SLC35D4: variants seen among roughly 807,000 people sequenced by gnomAD.
SLC35D4 encodes the protein solute carrier family 35 member D4.
At chr18:23,434,160 C>G in the SLC35D4 span, among the ~76,000 whole-genome samples, 6 of 152,092 alleles carry the variant, frequency 3.9e-5, no homozygotes, top group African/African-American at 1.2e-4. Flanking sequence ...TATAAAGTTC[C>G]TCACCAGAGT....
At chr18:23,352,407 C>CT in the SLC35D4 span, 1 of 709,816 alleles carries the variant, frequency 1.4e-6, no homozygotes, top group Non-Finnish European at 2.2e-6. Context: ...TCTACCTCAT[C>CT]TGTGTTTTCT....
chr18:23,335,296 G>C, the SLC35D4 span, among the ~76,000 whole-genome samples: 2 of 152,050 alleles, frequency 1.3e-5, no homozygotes, highest in South Asian at 4.2e-4. Flanking sequence ...TTCTATCATT[G>C]ATGCATCCAA....
the SLC35D4 span, among the ~76,000 whole-genome samples, chr18:23,407,673 T>A: frequency 7.2e-5 from 11 of 152,126 alleles, no homozygotes; most frequent in Non-Finnish European, 1.5e-4. Context: ...ATTAAATAAT[T>A]TTGAATTAAA....
chr18:23,427,733 G>A, the SLC35D4 span, among the ~76,000 whole-genome samples: 25 of 151,996 alleles, frequency 1.6e-4, no homozygotes, highest in Non-Finnish European at 2.2e-4. Context: ...TGTTTATTGC[G>A]GCACTATTCA....
At chr18:23,253,101 T>C in the SLC35D4 span, 1 of 1,174,512 alleles carries the variant, frequency 8.5e-7, no homozygotes, top group East Asian at 2.3e-5. Context: ...GACCTTTCCC[T>C]GCAAACCCCT....
At chr18:23,239,132 C>T in the SLC35D4 span, among the ~76,000 whole-genome samples, 2 of 152,196 alleles carry the variant, frequency 1.3e-5, no homozygotes, top group African/African-American at 4.8e-5. Flanking sequence ...TTCCAGGCCG[C>T]AGTATGTGTG....
the SLC35D4 span, among the ~76,000 whole-genome samples, chr18:23,360,746 T>A: frequency 6.6e-6 from 1 of 152,198 alleles, no homozygotes; most frequent in African/African-American, 2.4e-5. Flanking sequence ...ATTTCATATA[T>A]GTAAATTACA....
chr18:23,415,257 T>C, the SLC35D4 span, among the ~76,000 whole-genome samples: 3 of 152,230 alleles, frequency 2.0e-5, no homozygotes, highest in Non-Finnish European at 2.9e-5. Context: ...GCACAGACTC[T>C]TGATGAAAAA....
At chr18:23,254,978 G>T in the SLC35D4 span, among the ~76,000 whole-genome samples, 1 of 152,228 alleles carries the variant, frequency 6.6e-6, no homozygotes, top group Non-Finnish European at 1.5e-5. Context: ...CTTGATTGTG[G>T]TTTTCACAGA....
chr18:23,340,049 C>T, the SLC35D4 span, among the ~76,000 whole-genome samples: 3 of 152,316 alleles, frequency 2.0e-5, no homozygotes, highest in Admixed American at 1.3e-4. Flanking sequence ...CTCTCTACCA[C>T]GCACCTCATG....
the SLC35D4 span, among the ~76,000 whole-genome samples, chr18:23,250,581 G>A: frequency 1.3e-5 from 2 of 152,342 alleles, no homozygotes; most frequent in African/African-American, 4.8e-5. Flanking sequence ...CTGTCTTGGA[G>A]GGCTGCCACA....
the SLC35D4 span, among the ~76,000 whole-genome samples, chr18:23,319,365 G>C: frequency 6.6e-6 from 1 of 151,898 alleles, no homozygotes; most frequent in East Asian, 1.9e-4. Context: ...CTGCCTCCTA[G>C]GTTCAAATGA....
chr18:23,303,661 G>T, the SLC35D4 span, among the ~76,000 whole-genome samples: 1 of 152,380 alleles, frequency 6.6e-6, no homozygotes, highest in African/African-American at 2.4e-5. Context: ...AGCACTTTGG[G>T]AGGCTGAGGT....
chr18:23,303,709 T>C, the SLC35D4 span, among the ~76,000 whole-genome samples: 2 of 152,168 alleles, frequency 1.3e-5, no homozygotes, highest in African/African-American at 4.8e-5. Flanking sequence ...GAGACCAGCC[T>C]GGCCAACATG....
chr18:23,383,666 G>A, the SLC35D4 span, among the ~76,000 whole-genome samples: 16 of 151,964 alleles, frequency 1.1e-4, no homozygotes, highest in African/African-American at 2.4e-4. Flanking sequence ...AGATTTTCCC[G>A]TGCGAGGGAT....
At chr18:23,391,161 T>C in the SLC35D4 span, among the ~76,000 whole-genome samples, 1 of 149,442 alleles carries the variant, frequency 6.7e-6, no homozygotes, top group Admixed American at 6.7e-5. Flanking sequence ...AGGCAGAGCC[T>C]GCAGTGAGCC....
chr18:23,408,816 C>CTTT, the SLC35D4 span, among the ~76,000 whole-genome samples: 39 of 114,836 alleles, frequency 3.4e-4, no homozygotes, highest in Non-Finnish European at 5.2e-4. Context: ...TCTTATCTCT[C>CTTT]TTTTTTTTTT....
the SLC35D4 span, among the ~76,000 whole-genome samples, chr18:23,320,998 G>A: frequency 2.2e-4 from 33 of 152,152 alleles, no homozygotes; most frequent in Non-Finnish European, 4.0e-4. Flanking sequence ...TTCCTCTGGG[G>A]CTATTCTAGC....
At chr18:23,278,954 C>T in the SLC35D4 span, among the ~76,000 whole-genome samples, 19 of 149,896 alleles carry the variant, frequency 1.3e-4, no homozygotes, top group East Asian at 2.0e-3. Context: ...TTGAGGCTGC[C>T]GTGAGCTGTG....
Sources: gnomAD v4.1 joint callset for allele counts (sites outside exome capture counted in the v4.1 genomes callset) on GRCh38, gnomAD v4.1.1 for gene constraint, MANE v1.5 for transcripts, NCBI Gene and HGNC (gene_info 2026-07-23, HGNC 2026-07-21) for gene names.